The following OSBPL10 variants were observed in gnomAD, a reference collection of about 807,000 sequenced individuals.
OSBPL10 encodes oxysterol-binding protein-related protein 10.
OSBPL10 carries 49 observed loss-of-function variants against 81.7 expected under a neutral mutation model. The observed-to-expected ratio is 0.60, with a 90% CI of 0.48 to 0.76. The LOEUF is 0.76. Ranked by LOEUF, OSBPL10 falls within the 30% of genes least tolerant of loss-of-function variation. The pLI, the probability that OSBPL10 is intolerant of heterozygous loss-of-function variation, is 0.00. For missense variants in OSBPL10, 923 were observed against 987.8 expected (o/e 0.93, Z 0.88); for synonymous variants, 419 against 383.6 (o/e 1.09, Z -1.08).
At chr3:31,948,235 G>A (rs568284127) in intron 1 of OSBPL10, among the ~76,000 whole-genome samples, 160 of 152,264 alleles carry the variant, frequency 1.1e-3, no homozygotes, top group African/African-American at 3.7e-3. Context: ...CATTCTAGAA[G>A]TCCAGCAGAA....
chr3:31,712,551 G>A (rs916458410), intron 6 of OSBPL10, among the ~76,000 whole-genome samples: 3 of 152,228 alleles, frequency 2.0e-5, no homozygotes, highest in Non-Finnish European at 2.9e-5. Context: ...GATGGAGGAA[G>A]GGGCTGCAAG....
chr3:31,856,886 G>A (rs1452259561), intron 3 of OSBPL10, among the ~76,000 whole-genome samples: 3 of 152,126 alleles, frequency 2.0e-5, no homozygotes, highest in Non-Finnish European at 4.4e-5. Context: ...GACCAGCCTG[G>A]CCAGCATGGT....
At chr3:31,896,558 C>T (rs990081441) in intron 1 of OSBPL10, among the ~76,000 whole-genome samples, 2 of 152,166 alleles carry the variant, frequency 1.3e-5, no homozygotes, top group African/African-American at 2.4e-5. Flanking sequence ...AGAAGTGGTT[C>T]CCGATTGCAG....
intron 7 of OSBPL10, among the ~76,000 whole-genome samples, chr3:31,687,249 C>A (rs941509290): frequency 6.6e-5 from 10 of 152,226 alleles, no homozygotes; most frequent in Non-Finnish European, 1.5e-4. Context: ...AATTGCGTAA[C>A]CTTGGCTCGT....
chr3:31,723,609 CA>C (rs1184165462), intron 6 of OSBPL10, among the ~76,000 whole-genome samples: 1 of 150,928 alleles, frequency 6.6e-6, no homozygotes, highest in Non-Finnish European at 1.5e-5. Flanking sequence ...TCATCAGTAC[CA>C]AAAAAAATTT....
At chr3:31,980,814 TACAC>T (rs1698813983) in intron 1 of OSBPL10, 81 bp downstream of exon 1, 5 of 1,407,600 alleles carry the variant, frequency 3.6e-6, no homozygotes, top group Non-Finnish European at 3.7e-6. Context: ...CGCACACACA[TACAC>T]AGACACACAT....
chr3:31,820,022 T>C (rs1447723576), intron 4 of OSBPL10, among the ~76,000 whole-genome samples: 1 of 152,188 alleles, frequency 6.6e-6, no homozygotes, highest in East Asian at 1.9e-4. Flanking sequence ...AATCTCTTAA[T>C]GTAGATCTCC....
chr3:31,958,265 T>C (rs1698064711), intron 1 of OSBPL10, among the ~76,000 whole-genome samples: 1 of 152,166 alleles, frequency 6.6e-6, no homozygotes, highest in African/African-American at 2.4e-5. Context: ...CTGAAGTAAA[T>C]AATGAGTGAA....
chr3:31,996,966 C>T (rs1421497724), intron 2 of OSBPL10, among the ~76,000 whole-genome samples: 1 of 152,014 alleles, frequency 6.6e-6, no homozygotes, highest in Non-Finnish European at 1.5e-5. Context: ...GGGAGAGAAG[C>T]CAGAGGAAAG....
chr3:31,716,779 T>C (rs1001211599), intron 6 of OSBPL10, among the ~76,000 whole-genome samples: 1 of 152,228 alleles, frequency 6.6e-6, no homozygotes, highest in African/African-American at 2.4e-5. Flanking sequence ...TCCAGAAATT[T>C]CATTTGATGA....
intron 4 of OSBPL10, chr3:31,795,065 CTG>C (rs1217471755): frequency 5.3e-6 from 1 of 186,980 alleles, no homozygotes; most frequent in Non-Finnish European, 1.2e-5. Context: ...AAGACAAACA[CTG>C]AAACTAAGCA....
intron 6 of OSBPL10, chr3:31,710,637 G>A (rs1696223952): frequency 6.6e-6 from 1 of 152,272 alleles, no homozygotes. Context: ...AGCAGCAAGT[G>A]CAGTGAATCA....
At chr3:31,900,921 T>A (rs1055116228) in intron 1 of OSBPL10, among the ~76,000 whole-genome samples, 3 of 152,174 alleles carry the variant, frequency 2.0e-5, no homozygotes, top group Non-Finnish European at 4.4e-5. Context: ...TAAGGAAAAA[T>A]CCATTTCTAA....
chr3:31,948,152 C>G (rs1235568394), intron 1 of OSBPL10, among the ~76,000 whole-genome samples: 4 of 152,156 alleles, frequency 2.6e-5, no homozygotes, highest in Non-Finnish European at 4.4e-5. Context: ...CTCAATTAGT[C>G]AAGGGCTGGG....
intron 2 of OSBPL10, among the ~76,000 whole-genome samples, chr3:31,876,903 C>CTTTTTT (rs35788348): frequency 1.5e-5 from 2 of 131,758 alleles, no homozygotes; most frequent in African/African-American, 2.8e-5. Context: ...TCAAATGGCA[C>CTTTTTT]TTTTTTTTTT....
intron 1 of OSBPL10, among the ~76,000 whole-genome samples, chr3:32,074,059 A>G (rs1383349077): frequency 6.6e-6 from 1 of 152,048 alleles, no homozygotes; most frequent in East Asian, 1.9e-4. Context: ...ATTGTTGGCT[A>G]TGCATTTCCC....
chr3:31,907,970 G>T (rs1696460453), intron 1 of OSBPL10, among the ~76,000 whole-genome samples: 1 of 152,166 alleles, frequency 6.6e-6, no homozygotes, highest in Non-Finnish European at 1.5e-5. Flanking sequence ...AAAAGGCTGC[G>T]GTGGAGGAGC....
At chr3:31,895,510 C>T (rs1696029839) in intron 1 of OSBPL10, among the ~76,000 whole-genome samples, 1 of 152,044 alleles carries the variant, frequency 6.6e-6, no homozygotes, top group Admixed American at 6.6e-5. Context: ...GGGGATGAAA[C>T]TCAGGCAGTG....
intron 3 of OSBPL10, among the ~76,000 whole-genome samples, chr3:31,859,299 G>A (rs1023389280): frequency 6.6e-6 from 1 of 152,216 alleles, no homozygotes; most frequent in Non-Finnish European, 1.5e-5. Flanking sequence ...ATGGGAGCTG[G>A]AGCTTCCGGA....
Sources: gnomAD v4.1 joint callset for allele counts (sites outside exome capture counted in the v4.1 genomes callset) on GRCh38, gnomAD v4.1.1 for gene constraint, MANE v1.5 for transcripts, NCBI Gene and HGNC (gene_info 2026-07-23, HGNC 2026-07-21) for gene names.